RBFOX3: variants seen among roughly 807,000 people sequenced by gnomAD.
RBFOX3 encodes the protein RNA binding protein fox-1 homolog 3.
In RBFOX3, 17 loss-of-function variants were observed where a neutral mutation model predicts 48.7. That is an observed-to-expected ratio of 0.35 (90% CI 0.24 to 0.52). The LOEUF is 0.52. RBFOX3 is among the 20% of genes least tolerant of loss of function. The probability of loss-of-function intolerance (pLI) is 0.94; values close to 1 mark genes in which losing one functional copy is unlikely to be tolerated. For missense variants in RBFOX3, 382 were observed against 497.5 expected, an observed-to-expected ratio of 0.77 and a Z score of 2.21; for synonymous variants, 212 against 209.5, an observed-to-expected ratio of 1.01 and a Z score of -0.10.
At chr17:79,349,763 G>A (rs752472121) in intron 2 of RBFOX3, among the ~76,000 whole-genome samples, 7 of 152,012 alleles carry the variant, frequency 4.6e-5, no homozygotes, top group Non-Finnish European at 7.4e-5. Context: ...TTGGTGCACC[G>A]AGAGATGCCA....
At chr17:79,099,942 T>C (rs2076107014) in intron 9 of RBFOX3, 1 of 152,234 alleles carries the variant, frequency 6.6e-6, no homozygotes, top group South Asian at 2.1e-4. Context: ...CCAGAGCCCA[T>C]GGGTTGGCTT....
At chr17:79,329,080 G>A (rs999964985) in intron 2 of RBFOX3, among the ~76,000 whole-genome samples, 6 of 152,140 alleles carry the variant, frequency 3.9e-5, no homozygotes, top group African/African-American at 1.4e-4. Flanking sequence ...GATACAGAAA[G>A]ATAGTCCCCA....
At chr17:79,141,313 G>T (rs961747291) in intron 4 of RBFOX3, among the ~76,000 whole-genome samples, 1 of 152,206 alleles carries the variant, frequency 6.6e-6, no homozygotes, top group African/African-American at 2.4e-5. Flanking sequence ...GGACACTGTT[G>T]GGGGCCAGCC....
At chr17:79,156,624 T>C (rs1242024489) in intron 4 of RBFOX3, among the ~76,000 whole-genome samples, 3 of 152,112 alleles carry the variant, frequency 2.0e-5, no homozygotes, top group Admixed American at 2.0e-4. Context: ...GTAAATAAAG[T>C]TTTATTGGAA....
At chr17:79,385,939 C>T (rs928485984) in intron 2 of RBFOX3, among the ~76,000 whole-genome samples, 30 of 146,834 alleles carry the variant, frequency 2.0e-4, no homozygotes, top group African/African-American at 6.6e-4. Flanking sequence ...CCCTCCATTG[C>T]GGACAGGAGC....
rs564261494 is a variant in RBFOX3 at position 79,148,428 on chromosome 17, G to A, written c.-33-32680C>T. Among the ~76,000 whole-genome samples, 20 of 152,310 alleles carry A rather than the reference G, an allele frequency of 1.3e-4. No homozygotes were observed. The South Asian group carries it at 4.1e-3, about 32-fold the overall frequency. On this transcript the variant is annotated intron_variant, in intron 4 of 14. Transcript: ENST00000693108. Reference sequence around the variant, plus strand: ...GTGACAGAAGTTGGGGGGTGGAAGGGGCAGGGCTCATGCCACAGCCTGAAG... The same window carrying A: ...GTGACAGAAGTTGGGGGGTGGAAGGAGCAGGGCTCATGCCACAGCCTGAAG...
At chr17:79,227,517 G>C (rs1259424746) in intron 4 of RBFOX3, among the ~76,000 whole-genome samples, 1 of 152,246 alleles carries the variant, frequency 6.6e-6, no homozygotes, top group Non-Finnish European at 1.5e-5. Context: ...GAGATGAGCA[G>C]GTCTCTGATG....
chr17:79,154,731 C>G (rs2045382216), intron 4 of RBFOX3, among the ~76,000 whole-genome samples: 1 of 152,250 alleles, frequency 6.6e-6, no homozygotes, highest in Non-Finnish European at 1.5e-5. Context: ...GAGCTGCTGG[C>G]CCCTGCCCCG....
At chr17:79,236,186 C>T (rs915560780) in intron 3 of RBFOX3, among the ~76,000 whole-genome samples, 10 of 152,312 alleles carry the variant, frequency 6.6e-5, no homozygotes, top group Admixed American at 1.3e-4. Flanking sequence ...TTGATGGTGA[C>T]GTTTAGTTTC....
At chr17:79,600,450 C>T (rs1422167172) in intron 1 of RBFOX3, 1 of 152,224 alleles carries the variant, frequency 6.6e-6, no homozygotes, top group African/African-American at 2.4e-5. Flanking sequence ...AGGTGGGGGT[C>T]CACTATCCTG....
At chr17:79,315,111 GCA>G (rs2077359757) in intron 2 of RBFOX3, among the ~76,000 whole-genome samples, 1 of 152,218 alleles carries the variant, frequency 6.6e-6, no homozygotes, top group South Asian at 2.1e-4. Context: ...TGGTGTCAAA[GCA>G]CAGTGTTTTC....
intron 3 of RBFOX3, among the ~76,000 whole-genome samples, chr17:79,298,976 A>G (rs1196953502): frequency 1.3e-5 from 2 of 152,294 alleles, no homozygotes; most frequent in East Asian, 3.9e-4. Context: ...ACCGGGCGGC[A>G]GCCTGCTGAT....
At chr17:79,454,873 A>G (rs560956010) in intron 2 of RBFOX3, among the ~76,000 whole-genome samples, 1 of 152,318 alleles carries the variant, frequency 6.6e-6, no homozygotes, top group East Asian at 1.9e-4. Context: ...GTAGCTCCTC[A>G]GTATTCAAGG....
At chr17:79,224,137 G>C (rs1387308418) in intron 4 of RBFOX3, among the ~76,000 whole-genome samples, 1 of 152,118 alleles carries the variant, frequency 6.6e-6, no homozygotes, top group Non-Finnish European at 1.5e-5. Context: ...CTGCCACCAA[G>C]AGCCTCCGGA....
At chr17:79,240,565 C>A (rs4239024) in intron 3 of RBFOX3, among the ~76,000 whole-genome samples, 147,497 of 152,366 alleles carry the variant, frequency 0.97, 71,569 homozygotes, top group East Asian at 1. Flanking sequence ...ATTGACCTCA[C>A]GTCAGCCCCA....
At chr17:79,609,519 T>C (rs1430515480) in intron 1 of RBFOX3, among the ~76,000 whole-genome samples, 1 of 152,250 alleles carries the variant, frequency 6.6e-6, no homozygotes, top group Admixed American at 6.5e-5. Context: ...GACTCCTTTT[T>C]AAAAGTGATC....
intron 2 of RBFOX3, among the ~76,000 whole-genome samples, chr17:79,337,391 G>A (rs1233594081): frequency 2.6e-5 from 4 of 152,022 alleles, no homozygotes; most frequent in Non-Finnish European, 5.9e-5. Context: ...GGGCACAAAT[G>A]CACTCTCGTG....
At chr17:79,433,343 C>T (rs1333175843) in intron 2 of RBFOX3, among the ~76,000 whole-genome samples, 1 of 152,238 alleles carries the variant, frequency 6.6e-6, no homozygotes, top group Non-Finnish European at 1.5e-5. Context: ...ATACCTCTGT[C>T]TTTTAAGCAG....
In RBFOX3 at chr17:79,528,542, C is replaced by G. The variant is rs1032448122; in HGVS notation, c.-319-45944G>C. 1.8e-4 allele frequency among the ~76,000 whole-genome samples: 27 copies of G among 152,176 alleles called. 2 individuals are homozygous for G. The South Asian group carries it at 5.0e-3, about 28-fold the overall frequency. ...ACCTCTGAGTAACTCTGAAGAGGAT[C>G]TTAGTTGGAGACCGGGTCTTTGCAG... is the stretch of plus-strand genomic sequence containing the variant. On this transcript the variant is annotated intron_variant, in intron 1 of 14. Coordinates refer to ENST00000693108, the MANE Select transcript of RBFOX3 (RefSeq NM_001350451.2).
Sources: allele counts gnomAD v4.1 joint callset (sites outside exome capture counted in the v4.1 genomes callset), GRCh38; gene constraint gnomAD v4.1.1; transcripts MANE v1.5; gene names NCBI Gene and HGNC (gene_info 2026-07-23, HGNC 2026-07-21).